The following OXR1 variants were observed in gnomAD, a reference collection of about 807,000 sequenced individuals.
The protein encoded by OXR1 is oxidation resistance protein 1.
OXR1 carries 41 observed loss-of-function variants against 104.6 expected under a neutral mutation model. That is an observed-to-expected ratio of 0.39 (90% CI 0.31 to 0.51). OXR1 has a LOEUF of 0.51. Among genes scored for constraint, OXR1 ranks in the 20% least tolerant of loss-of-function variants. The probability of loss-of-function intolerance (pLI) is 0.77; values close to 1 mark genes in which losing one functional copy is unlikely to be tolerated. For missense variants in OXR1, 955 were observed against 1,031.9 expected, an observed-to-expected ratio of 0.93 and a Z score of 1.02; for synonymous variants, 348 against 348.4, an observed-to-expected ratio of 1.00 and a Z score of 0.01.
intron 2 of OXR1, among the ~76,000 whole-genome samples, chr8:106,459,551 A>T (rs1314460007): frequency 1.3e-5 from 2 of 152,196 alleles, no homozygotes; most frequent in African/African-American, 4.8e-5. Context: ...AAAAAAAAAT[A>T]ATTACTTCCT....
chr8:106,706,514 G>GGAGTCTCTTTC lies in OXR1; in HGVS notation c.994_1004dup (p.Glu336SerfsTer47). On this transcript the variant is annotated frameshift_variant, in exon 9 of 17. Coordinates refer to ENST00000517566, the MANE Select transcript of OXR1 (RefSeq NM_001198533.2). LOFTEE classifies it high-confidence loss of function. ...CCAGCACTGCTCCTAGGAGCACTGA[G>GGAGTCTCTTTC]GAGTCTCTTTCTGAAGATGTGTTCA... is the stretch of plus-strand genomic sequence containing the variant. The GGAGTCTCTTTC allele has an allele frequency of 6.2e-7, 1 of 1,606,212 alleles. No homozygotes were observed. The highest frequency in any genetic ancestry group is 8.5e-7 in the Non-Finnish European group (1 of 1,178,118).
Position 106,739,488 on chromosome 8 carries a change from C to T in OXR1, c.2068C>T (p.Gln690Ter), listed in dbSNP as rs372979903. The T allele has an allele frequency of 6.2e-7, 1 of 1,612,418 alleles. No individual in the cohort carries two copies. The highest frequency in any genetic ancestry group is 1.3e-5 in the African/African-American group (1 of 74,886). Residue 690 changes from glutamine (Q) to a stop codon, truncating the protein, a stop_gained, in exon 13 of 17, where the codon CAG becomes TAG. Transcript: ENST00000517566. LOFTEE classifies it high-confidence loss of function. ...TACAAGGGAAGACATAAATTCAAAG[C>T]AGGTTGCTACAGTGAAAGCAGACCT... is the stretch of plus-strand genomic sequence containing the variant. ...ITTREDINSK[Q>*]VATVKADLES... is the part of the protein sequence containing the mutation.
chr8:106,709,599 G>C (rs1042471280), intron 9 of OXR1, among the ~76,000 whole-genome samples: 8 of 151,822 alleles, frequency 5.3e-5, no homozygotes, highest in Non-Finnish European at 1.2e-4. Context: ...GTGGGGGTTG[G>C]GGGTTTAATG....
intron 2 of OXR1, among the ~76,000 whole-genome samples, chr8:106,378,310 A>T (rs933364951): frequency 2.0e-5 from 3 of 152,104 alleles, no homozygotes; most frequent in African/African-American, 7.2e-5. Flanking sequence ...TGCTGGGACA[A>T]CCTCTTACTG....
At chr8:106,462,749 G>A (rs1414859700) in intron 2 of OXR1, among the ~76,000 whole-genome samples, 1 of 151,948 alleles carries the variant, frequency 6.6e-6, no homozygotes, top group Non-Finnish European at 1.5e-5. Flanking sequence ...TGCTAATTTT[G>A]TGACCTTGGG....
chr8:106,478,852 G>C (rs1221975913), intron 2 of OXR1, among the ~76,000 whole-genome samples: 1 of 151,818 alleles, frequency 6.6e-6, no homozygotes, highest in Non-Finnish European at 1.5e-5. Context: ...AGGTTTCTAA[G>C]AAAAATTGGA....
chr8:106,324,920 A>G (rs538696353), intron 1 of OXR1, among the ~76,000 whole-genome samples: 3 of 152,354 alleles, frequency 2.0e-5, no homozygotes, highest in African/African-American at 7.2e-5. Context: ...TAAAATTCAC[A>G]CACTACACGG....
intron 3 of OXR1, among the ~76,000 whole-genome samples, chr8:106,591,399 C>A: frequency 7.0e-6 from 1 of 142,730 alleles, no homozygotes; most frequent in Non-Finnish European, 1.5e-5. Flanking sequence ...ACATATGTAA[C>A]AAACGTGCAC....
chr8:106,360,024 A>G (rs528834620), intron 2 of OXR1, among the ~76,000 whole-genome samples: 1 of 152,274 alleles, frequency 6.6e-6, no homozygotes, highest in East Asian at 1.9e-4. Flanking sequence ...GCTCATCAGT[A>G]CTTCTTTGCT....
At chr8:106,599,162 A>G (rs973264853) in intron 3 of OXR1, among the ~76,000 whole-genome samples, 1 of 152,188 alleles carries the variant, frequency 6.6e-6, no homozygotes, top group South Asian at 2.1e-4. Context: ...CTCATGCACA[A>G]TGAGTAGTTT....
chr8:106,308,662 C>T (rs1162671360), intron 1 of OXR1, among the ~76,000 whole-genome samples: 1 of 152,008 alleles, frequency 6.6e-6, no homozygotes, highest in African/African-American at 2.4e-5. Context: ...CATCAGGAAG[C>T]TTTTACATGA....
chr8:106,340,044 A>G (rs1385383472), intron 1 of OXR1, among the ~76,000 whole-genome samples: 1 of 152,124 alleles, frequency 6.6e-6, no homozygotes, highest in Non-Finnish European at 1.5e-5. Flanking sequence ...TTAGCTGATG[A>G]AAGAATTTTT....
intron 3 of OXR1, among the ~76,000 whole-genome samples, chr8:106,525,074 G>T (rs1168200764): frequency 6.6e-6 from 1 of 152,220 alleles, no homozygotes; most frequent in East Asian, 1.9e-4. Flanking sequence ...TTAGTGCAGT[G>T]TGAGGCACAC....
At chr8:106,274,936 T>C (rs1253061207) in intron 1 of OXR1, among the ~76,000 whole-genome samples, 3 of 152,258 alleles carry the variant, frequency 2.0e-5, no homozygotes, top group Admixed American at 1.3e-4. Context: ...GAACCAGTGA[T>C]AATCATATTT....
At chr8:106,495,268 C>T (rs1811340419) in intron 2 of OXR1, among the ~76,000 whole-genome samples, 1 of 151,886 alleles carries the variant, frequency 6.6e-6, no homozygotes, top group African/African-American at 2.4e-5. Flanking sequence ...GTATTACGGG[C>T]AAATACAATA....
intron 1 of OXR1, among the ~76,000 whole-genome samples, chr8:106,283,905 GCTAAT>G (rs2130002619): frequency 6.6e-6 from 1 of 152,218 alleles, no homozygotes; most frequent in East Asian, 1.9e-4. Flanking sequence ...TTCAAGGAAT[GCTAAT>G]CATAGTGACA....
At chr8:106,418,178 G>A (rs1041139854) in intron 2 of OXR1, among the ~76,000 whole-genome samples, 1 of 152,098 alleles carries the variant, frequency 6.6e-6, no homozygotes, top group Non-Finnish European at 1.5e-5. Context: ...TTCATTTGGA[G>A]CTGTGTTATT....
chr8:106,309,185 T>G (rs1217912560), intron 1 of OXR1, among the ~76,000 whole-genome samples: 1 of 152,112 alleles, frequency 6.6e-6, no homozygotes, highest in Non-Finnish European at 1.5e-5. Flanking sequence ...TCTCACTATG[T>G]TGCCTAAGCT....
intron 1 of OXR1, among the ~76,000 whole-genome samples, chr8:106,310,126 A>G (rs540815926): frequency 2.0e-5 from 3 of 151,666 alleles, no homozygotes; most frequent in Non-Finnish European, 4.4e-5. Flanking sequence ...CAATATTAGT[A>G]CTCATATTAT....
Sources: allele counts gnomAD v4.1 joint callset (sites outside exome capture counted in the v4.1 genomes callset), GRCh38; gene constraint gnomAD v4.1.1; transcripts MANE v1.5; gene names NCBI Gene and HGNC (gene_info 2026-07-23, HGNC 2026-07-21).